Variants in PCDH9 observed in about 807,000 individuals in gnomAD.
PCDH9 encodes protocadherin 9, also known as protocadherin-9.
A neutral mutation model predicts 70.6 loss-of-function variants in PCDH9; 24 were observed. That is an observed-to-expected ratio of 0.34 (90% confidence interval 0.25 to 0.48). The LOEUF is 0.48. PCDH9 is among the 20% of genes least tolerant of loss of function. The pLI, the probability that PCDH9 is intolerant of heterozygous loss-of-function variation, is 0.99. For synonymous variants in PCDH9, 562 were observed against 558.5 expected (o/e 1.01, Z -0.09); for missense variants, 1,281 against 1,503.6 (o/e 0.85, Z 2.45).
chr13:67,023,028 A>G (rs935334433), intron 2 of PCDH9, among the ~76,000 whole-genome samples: 5 of 152,138 alleles, frequency 3.3e-5, no homozygotes, highest in African/African-American at 1.2e-4. Flanking sequence ...CAAACCAATC[A>G]CTGCAATGCA....
chr13:67,226,313 T>C lies in PCDH9; in HGVS notation c.2128A>G (p.Asn710Asp). ...ACTATAGTATACTTTAGTTCAGCGTTCATTCCAGTGTCAACATCCACTGCA... is the reference window on the plus strand; with the variant it reads ...ACTATAGTATACTTTAGTTCAGCGTCCATTCCAGTGTCAACATCCACTGCA... ...VFAVDVDTGM[N>D]AELKYTIVSG... The change falls in exon 2 of 5, where the codon AAC becomes GAC. Residue 710 changes from asparagine to aspartate, a missense_variant. Physicochemically the swap from Asn to Asp is conservative, Grantham distance 23. This residue lies in a region of PCDH9 where 798 missense variants were observed against 1,003.1 expected (regional missense o/e 0.80). Transcript: ENST00000377865. The surrounding 1 kb of genome is among the most constrained non-coding windows in gnomAD (Gnocchi z 5.0). 1.9e-6 allele frequency: 3 copies of C among 1,614,180 alleles called. No homozygotes were observed. The highest frequency in any genetic ancestry group is 2.5e-6 in the Non-Finnish European group (3 of 1,180,014).
Position 66,532,667 on chromosome 13 carries a change from C to T in PCDH9, c.3340+98543G>A, listed in dbSNP as rs534852987. ...AAGCTATTCTCCTGCCTCTGCCTCC[C>T]GAGTAGCTGGGACTACCGGCACATG... is the stretch of plus-strand genomic sequence containing the variant. On this transcript the variant is annotated intron_variant, in intron 4 of 4. Coordinates refer to ENST00000377865, the MANE Select transcript of PCDH9 (RefSeq NM_203487.3). Among the ~76,000 whole-genome samples, 25 of 152,210 alleles carry T rather than the reference C, an allele frequency of 1.6e-4. No homozygotes were observed. The South Asian group carries it at 4.8e-3, about 29-fold the overall frequency.
At chr13:66,319,967 G>A (rs112363786) in intron 4 of PCDH9, among the ~76,000 whole-genome samples, 3 of 152,008 alleles carry the variant, frequency 2.0e-5, no homozygotes, top group African/African-American at 7.2e-5. Flanking sequence ...TAGAAACAAT[G>A]CTTCCTATTA....
Position 66,626,204 on chromosome 13 carries a change from T to G in PCDH9, c.3340+5006A>C, listed in dbSNP as rs1291315995. On this transcript the variant is annotated intron_variant, in intron 4 of 4. Coordinates refer to ENST00000377865, the MANE Select transcript of PCDH9 (RefSeq NM_203487.3). ...AACCCGGTTGGGAAGAAGAAAGAAGTGAGAGGGGAGGGAATATAAAGAGGA... is the reference window on the plus strand; with the variant it reads ...AACCCGGTTGGGAAGAAGAAAGAAGGGAGAGGGGAGGGAATATAAAGAGGA... Among the ~76,000 whole-genome samples the G allele has an allele frequency of 2.6e-5, 4 of 151,680 alleles. No homozygotes were observed. In the East Asian group the frequency reaches 7.7e-4, roughly 29 times the overall value.
intron 2 of PCDH9, among the ~76,000 whole-genome samples, chr13:67,072,911 C>A (rs2085797083): frequency 6.6e-6 from 1 of 152,074 alleles, no homozygotes; most frequent in African/African-American, 2.4e-5. Flanking sequence ...AGATGATTCT[C>A]AAAGGCTAAC....
intron 4 of PCDH9, among the ~76,000 whole-genome samples, chr13:66,433,539 T>G (rs953833414): frequency 8.6e-5 from 13 of 151,754 alleles, no homozygotes; most frequent in Non-Finnish European, 1.9e-4. Flanking sequence ...CTGCAGAAAT[T>G]GAGTATATTC....
chr13:66,637,154 CA>C lies in PCDH9; in HGVS notation c.3139-5744del, dbSNP rs142310117. Among the ~76,000 whole-genome samples, 1,264 of 152,202 alleles carry C rather than the reference CA, an allele frequency of 8.3e-3. 5 individuals carry two copies. Among genetic ancestry groups the C allele is most frequent in the Non-Finnish European group, 0.015 (1,019 of 67,982 alleles). ...TTACCATCTTAAATCAATGCATGCA[CA>C]CATTTCCTCTTAATAAAATCCAAAA... On this transcript the variant is annotated intron_variant, in intron 3 of 4. Coordinates refer to ENST00000377865, the MANE Select transcript of PCDH9 (RefSeq NM_203487.3).
intron 2 of PCDH9, among the ~76,000 whole-genome samples, chr13:67,103,320 T>C (rs1449664662): frequency 6.6e-6 from 1 of 152,192 alleles, no homozygotes; most frequent in Non-Finnish European, 1.5e-5. Flanking sequence ...TGGAAGTTAA[T>C]CAATGTGATG....
chr13:66,547,401 G>A (rs1008240730), intron 4 of PCDH9, among the ~76,000 whole-genome samples: 1 of 152,128 alleles, frequency 6.6e-6, no homozygotes, highest in Non-Finnish European at 1.5e-5. Context: ...GAGTCTATAA[G>A]GCAATTGTTG....
chr13:67,014,422 T>C (rs2084516644), intron 2 of PCDH9, among the ~76,000 whole-genome samples: 1 of 152,086 alleles, frequency 6.6e-6, no homozygotes, highest in South Asian at 2.1e-4. Context: ...TAAGAAAAAA[T>C]TGGAATCTTC....
intron 2 of PCDH9, among the ~76,000 whole-genome samples, chr13:66,939,040 T>A (rs1470082576): frequency 6.6e-6 from 1 of 152,114 alleles, no homozygotes; most frequent in Non-Finnish European, 1.5e-5. Context: ...TATGATGGGT[T>A]AACTACTCTA....
At chr13:66,892,641 A>T (rs1429743477) in intron 3 of PCDH9, among the ~76,000 whole-genome samples, 4 of 152,008 alleles carry the variant, frequency 2.6e-5, no homozygotes, top group Non-Finnish European at 1.5e-5. Flanking sequence ...TAAGTCCCTT[A>T]AAAAAAAGAT....
chr13:66,496,045 A>G (rs1959111935), intron 4 of PCDH9, among the ~76,000 whole-genome samples: 1 of 152,164 alleles, frequency 6.6e-6, no homozygotes, highest in Admixed American at 6.5e-5. Context: ...AAATTTTGAC[A>G]TTTATTATTG....
At chr13:66,408,069 T>TTTTG (rs1957309967) in intron 4 of PCDH9, among the ~76,000 whole-genome samples, 1 of 149,628 alleles carries the variant, frequency 6.7e-6, no homozygotes, top group Non-Finnish European at 1.5e-5. Flanking sequence ...TTTTTTTTTT[T>TTTTG]GAGACGGAGT....
At chr13:67,141,132 T>C (rs982039245) in intron 2 of PCDH9, among the ~76,000 whole-genome samples, 2 of 152,320 alleles carry the variant, frequency 1.3e-5, no homozygotes, top group South Asian at 4.1e-4. Context: ...AGAATGGCTT[T>C]ATCATTTTGT....
At chr13:66,496,347 C>G (rs1959117113) in intron 4 of PCDH9, among the ~76,000 whole-genome samples, 1 of 152,110 alleles carries the variant, frequency 6.6e-6, no homozygotes, top group Admixed American at 6.5e-5. Flanking sequence ...TTTTGATCCC[C>G]CCAAATCTCC....
intron 3 of PCDH9, among the ~76,000 whole-genome samples, chr13:66,761,821 TA>T (rs35282933): frequency 0.26 from 40,148 of 151,584 alleles, 5,842 homozygotes; most frequent in East Asian, 0.43. Flanking sequence ...TGAGCTTCCT[TA>T]AAAAAAATCA....
intron 4 of PCDH9, among the ~76,000 whole-genome samples, chr13:66,492,140 T>C (rs1959044002): frequency 6.6e-6 from 1 of 152,166 alleles, no homozygotes; most frequent in African/African-American, 2.4e-5. Flanking sequence ...ACTTGCTGTT[T>C]GTCTTCTGTT....
At chr13:66,757,656 G>A (rs2139240753) in intron 3 of PCDH9, among the ~76,000 whole-genome samples, 1 of 152,108 alleles carries the variant, frequency 6.6e-6, no homozygotes, top group Non-Finnish European at 1.5e-5. Context: ...AACGTATGAG[G>A]AAAATTACTA....
Sources: gnomAD v4.1 joint callset for allele counts (sites outside exome capture counted in the v4.1 genomes callset) on GRCh38, gnomAD v4.1.1 for gene constraint, gnomAD v4.1.1 regional missense constraint, Gnocchi (gnomAD v3.1) non-coding constraint, MANE v1.5 for transcripts, NCBI Gene and HGNC (gene_info 2026-07-23, HGNC 2026-07-21) for gene names.